PRKN: variants seen among roughly 807,000 people sequenced by gnomAD.
PRKN encodes the protein parkin RBR E3 ubiquitin protein ligase.
PRKN carries 56 observed loss-of-function variants against 59.5 expected under a neutral mutation model. The observed-to-expected ratio is 0.94, with a 90% CI of 0.76 to 1.18. PRKN has a LOEUF of 1.18. Among genes scored for constraint, PRKN ranks in the 50% most tolerant of loss-of-function variants. The pLI, the probability that PRKN is intolerant of heterozygous loss-of-function variation, is 0.00. For synonymous variants in PRKN, 250 were observed against 222.1 expected, an observed-to-expected ratio of 1.13 and a Z score of -1.12; for missense variants, 657 against 596.4, an observed-to-expected ratio of 1.10 and a Z score of -1.06.
chr6:161,715,061 G>A (rs1786915558), intron 7 of PRKN, among the ~76,000 whole-genome samples: 1 of 152,082 alleles, frequency 6.6e-6, no homozygotes. Flanking sequence ...CGTCTACAAG[G>A]CAGCTGCATG....
At chr6:161,754,051 A>C (rs1157808174) in intron 7 of PRKN, among the ~76,000 whole-genome samples, 1 of 152,082 alleles carries the variant, frequency 6.6e-6, no homozygotes, top group Non-Finnish European at 1.5e-5. Context: ...GGGTGAGCCC[A>C]GTTGTGTAAT....
chr6:162,528,662 C>A (rs1275203938), intron 1 of PRKN, among the ~76,000 whole-genome samples: 3 of 151,860 alleles, frequency 2.0e-5, no homozygotes, highest in African/African-American at 7.3e-5. Flanking sequence ...GTAAAATAAC[C>A]TAGAAGATGG....
rs538138740 is a variant in PRKN, at chr6:162,230,500, A to G, written c.413-29248T>C. On this transcript the variant is annotated intron_variant, in intron 3 of 11. Coordinates refer to ENST00000366898, the MANE Select transcript of PRKN (RefSeq NM_004562.3). The stretch of plus-strand genomic sequence containing the variant: ...GATAACCAACTTCCTCACTTGCTCC[A>G]CTTATATTTAGTGATTGCTCTGATC... 8.5e-5 allele frequency among the ~76,000 whole-genome samples: 13 copies of G among 152,360 alleles called. No homozygotes were observed. In the South Asian group the frequency reaches 2.7e-3, roughly 32 times the overall value.
chr6:162,312,343 A>G (rs2128118441), intron 2 of PRKN, among the ~76,000 whole-genome samples: 1 of 151,890 alleles, frequency 6.6e-6, no homozygotes, highest in East Asian at 1.9e-4. Context: ...TGCTGCCCTC[A>G]CTGTAACTGG....
At chr6:161,826,544 G>GT (rs1381448327) in intron 6 of PRKN, among the ~76,000 whole-genome samples, 2 of 152,178 alleles carry the variant, frequency 1.3e-5, no homozygotes, top group African/African-American at 4.8e-5. Flanking sequence ...CTGCACCCGT[G>GT]TTTTATCCAT....
intron 3 of PRKN, among the ~76,000 whole-genome samples, chr6:162,251,697 G>A (rs906877128): frequency 3.3e-5 from 5 of 152,274 alleles, no homozygotes; most frequent in African/African-American, 4.8e-5. Flanking sequence ...GTATGCACAT[G>A]CATAAACGGG....
chr6:162,159,260 T>C (rs1782657360), intron 4 of PRKN, among the ~76,000 whole-genome samples: 1 of 152,260 alleles, frequency 6.6e-6, no homozygotes, highest in South Asian at 2.1e-4. Context: ...ATTGCTTTTC[T>C]AGGATGCAAC....
chr6:162,107,239 C>A (rs529184248), intron 4 of PRKN, among the ~76,000 whole-genome samples: 3 of 152,264 alleles, frequency 2.0e-5, no homozygotes, highest in South Asian at 2.1e-4. Context: ...CCAAAGGGGG[C>A]GCATCACTTG....
chr6:161,807,161 T>C (rs1267712575), intron 6 of PRKN, among the ~76,000 whole-genome samples: 1 of 152,222 alleles, frequency 6.6e-6, no homozygotes, highest in Non-Finnish European at 1.5e-5. Flanking sequence ...GAACGAGCAA[T>C]ATTCTGTTGC....
chr6:162,642,882 A>C (rs1778016487), intron 1 of PRKN, among the ~76,000 whole-genome samples: 1 of 152,140 alleles, frequency 6.6e-6, no homozygotes. Flanking sequence ...AATTTCTTAT[A>C]TTGAACATAA....
intron 7 of PRKN, among the ~76,000 whole-genome samples, chr6:161,660,735 C>T (rs1281827807): frequency 6.6e-6 from 1 of 152,212 alleles, no homozygotes; most frequent in Non-Finnish European, 1.5e-5. Context: ...TAGACCCTGC[C>T]TTTGCTCTGC....
At chr6:162,522,993 T>C (rs2128194061) in intron 1 of PRKN, among the ~76,000 whole-genome samples, 1 of 152,330 alleles carries the variant, frequency 6.6e-6, no homozygotes, top group East Asian at 1.9e-4. Context: ...CTGTTGATTC[T>C]ATTACCAGCA....
At chr6:161,872,664 A>T (rs1794389567) in intron 6 of PRKN, among the ~76,000 whole-genome samples, 1 of 152,050 alleles carries the variant, frequency 6.6e-6, no homozygotes, top group Admixed American at 6.5e-5. Context: ...GCTTAGCAGC[A>T]GCCAGCTCCA....
At chr6:162,013,910 T>C (rs1457027433) in intron 5 of PRKN, among the ~76,000 whole-genome samples, 1 of 152,212 alleles carries the variant, frequency 6.6e-6, no homozygotes, top group Non-Finnish European at 1.5e-5. Context: ...TGAAATACTA[T>C]TAAGTTCATT....
In PRKN at chr6:162,290,808, A is replaced by G. The variant is rs761135244; in HGVS notation, c.172-28043T>C. On this transcript the variant is annotated intron_variant, in intron 2 of 11. Transcript: ENST00000366898. ...ACAAATTTTCTGGCATGGAAATAAC[A>G]TAAGAAGGAGCTGCAAGTTTCTTGG... Among the ~76,000 whole-genome samples the G allele has an allele frequency of 1.5e-4, 23 of 152,334 alleles. 1 individual carries two copies. The highest frequency in any genetic ancestry group is 3.9e-4 in the Admixed American group (6 of 15,294).
intron 6 of PRKN, among the ~76,000 whole-genome samples, chr6:161,962,569 C>G (rs866242894): frequency 7.0e-6 from 1 of 142,046 alleles, no homozygotes; most frequent in Non-Finnish European, 1.5e-5. Context: ...GAGACGGAGT[C>G]TCGCTCTGTC....
Position 161,372,888 on chromosome 6 carries a change from G to A in PRKN, c.1168-12683C>T, listed in dbSNP as rs992421992. 1.4e-5 allele frequency among the ~76,000 whole-genome samples: 2 copies of A among 146,774 alleles called. No individual in the cohort carries two copies. Among genetic ancestry groups the A allele is most frequent in the African/African-American group, 5.1e-5 (2 of 39,212 alleles). ...TCTGTTGCCCAGGCTGGAGTGCTGT[G>A]GCAAGATCATAGCTCACTCTAGCCT... is the stretch of plus-strand genomic sequence containing the variant. On this transcript the variant is annotated intron_variant, in intron 10 of 11. Coordinates refer to ENST00000366898, the MANE Select transcript of PRKN (RefSeq NM_004562.3). The surrounding 1 kb of genome is among the most constrained non-coding windows in gnomAD (Gnocchi z 4.2).
rs1482410767 is a variant in PRKN, at chr6:161,369,841, G to T, written c.1168-9636C>A. ...AGGAAATATATTTCATATACATATA[G>T]AGAGAGACAGAGAGAATCAAAATTC... is the stretch of plus-strand genomic sequence containing the variant. On this transcript the variant is annotated intron_variant, in intron 10 of 11. Coordinates refer to ENST00000366898, the MANE Select transcript of PRKN (RefSeq NM_004562.3). This position sits in a 1 kb window ranked among gnomAD's most constrained non-coding sequence, Gnocchi z 5.8. The T allele has an allele frequency of 1.5e-5, 4 of 259,834 alleles. No individual in the cohort carries two copies. Among genetic ancestry groups the T allele is most frequent in the Admixed American group, 3.5e-5 (1 of 28,452 alleles). The allele number at this position is 259,834 out of a possible 1,614,324, so 16.1% of individuals were successfully genotyped here.
At chr6:162,175,309 A>T (rs1049320264) in intron 4 of PRKN, among the ~76,000 whole-genome samples, 3 of 152,230 alleles carry the variant, frequency 2.0e-5, no homozygotes, top group African/African-American at 7.2e-5. Flanking sequence ...AACAGAAAAG[A>T]AAAGTGAGCC....
Sources: allele counts gnomAD v4.1 joint callset (sites outside exome capture counted in the v4.1 genomes callset), GRCh38; gene constraint gnomAD v4.1.1; non-coding constraint Gnocchi (gnomAD v3.1); transcripts MANE v1.5; gene names NCBI Gene and HGNC (gene_info 2026-07-23, HGNC 2026-07-21).